The following DIAPH3 variants were observed in gnomAD, a reference collection of about 807,000 sequenced individuals.
The protein encoded by DIAPH3 is protein diaphanous homolog 3.
Under a neutral mutation model 144.3 loss-of-function variants are expected in DIAPH3, and 117 were observed. The ratio of observed to expected loss-of-function variants is 0.81; its 90% CI spans 0.70 to 0.95. DIAPH3 has a LOEUF of 0.95. Among genes scored for constraint, DIAPH3 ranks in the 40% least tolerant of loss-of-function variants. DIAPH3 has a pLI of 0.00. For synonymous variants in DIAPH3, 519 were observed against 488.9 expected, an observed-to-expected ratio of 1.06 and a Z score of -0.81; for missense variants, 1,421 against 1,412.7, an observed-to-expected ratio of 1.01 and a Z score of -0.09.
chr13:59,856,575 T>G lies in DIAPH3; in HGVS notation c.2737+4832A>C, dbSNP rs1384332464. Among the ~76,000 whole-genome samples, 3 of 152,202 alleles carry G rather than the reference T, an allele frequency of 2.0e-5. 1 individual carries two copies. The highest frequency in any genetic ancestry group is 4.1e-4 in the South Asian group (2 of 4,828). Reference sequence around the variant, plus strand: ...GTACATGTACATTCCTGAATGGCTGTGACTCTAAATTTCCTCTTCTTATAA... The same window carrying G: ...GTACATGTACATTCCTGAATGGCTGGGACTCTAAATTTCCTCTTCTTATAA... On this transcript the variant is annotated intron_variant, in intron 22 of 27. Coordinates refer to ENST00000400324, the MANE Select transcript of DIAPH3 (RefSeq NM_001042517.2).
chr13:59,786,204 A>C (rs573817727), intron 25 of DIAPH3, among the ~76,000 whole-genome samples: 1 of 152,338 alleles, frequency 6.6e-6, no homozygotes, highest in Admixed American at 6.5e-5. Flanking sequence ...AGAATGTGTA[A>C]ACCATAATTA....
intron 7 of DIAPH3, 90 bp from the exon 8 acceptor site, chr13:60,010,759 A>T: frequency 5.3e-6 from 7 of 1,328,684 alleles, no homozygotes; most frequent in Non-Finnish European, 7.3e-6. Flanking sequence ...AAAAAAATTT[A>T]TAGGACATTT....
chr13:59,924,706 T>C lies in DIAPH3; in HGVS notation c.2170+69A>G, dbSNP rs2047675445. On this transcript the variant is annotated intron_variant, in intron 18 of 27. Coordinates refer to ENST00000400324, the MANE Select transcript of DIAPH3 (RefSeq NM_001042517.2). ...ATAGCAAATAATGAATAATCGGTCT[T>C]AAAGAAAATGAAATCATTTAAAGAA... 3.9e-6 allele frequency: 6 copies of C among 1,551,204 alleles called. No individual in the cohort carries two copies. In the East Asian group the frequency reaches 1.4e-4, roughly 36 times the overall value.
chr13:59,835,877 T>A (rs1387690593), intron 23 of DIAPH3, among the ~76,000 whole-genome samples: 2 of 151,822 alleles, frequency 1.3e-5, no homozygotes, highest in Non-Finnish European at 3.0e-5. Context: ...AATATAGATA[T>A]AAGTAAATCT....
chr13:59,808,617 A>G (rs1053271799), intron 25 of DIAPH3, among the ~76,000 whole-genome samples: 1 of 152,166 alleles, frequency 6.6e-6, no homozygotes, highest in African/African-American at 2.4e-5. Context: ...GATTAATCAC[A>G]TTGAAAAGTC....
At chr13:59,805,145 C>T (rs2040128131) in intron 25 of DIAPH3, among the ~76,000 whole-genome samples, 1 of 152,050 alleles carries the variant, frequency 6.6e-6, no homozygotes, top group African/African-American at 2.4e-5. Flanking sequence ...AGGAGCTGCT[C>T]ATACAGTTTT....
chr13:59,988,617 A>G (rs1382052191), intron 12 of DIAPH3, among the ~76,000 whole-genome samples: 1 of 151,826 alleles, frequency 6.6e-6, no homozygotes, highest in African/African-American at 2.4e-5. Flanking sequence ...TCCATGAGCA[A>G]TATTGGTGAG....
At chr13:59,738,093 G>A (rs1593713295) in intron 27 of DIAPH3, among the ~76,000 whole-genome samples, 3 of 152,226 alleles carry the variant, frequency 2.0e-5, no homozygotes, top group Admixed American at 2.0e-4. Context: ...CGTGAACCTG[G>A]TGAAGGGAGG....
In DIAPH3 at chr13:59,890,040, T is replaced by C. The variant is rs76329150; in HGVS notation, c.2368-10572A>G. On this transcript the variant is annotated intron_variant, in intron 20 of 27. Transcript: ENST00000400324. ...TGAAGTGTTAAGATGATCTCTGTAA[T>C]TTGGCAGAGCCAGAAGTACAAAGCT... 7.8e-4 allele frequency among the ~76,000 whole-genome samples: 119 copies of C among 152,272 alleles called. 1 individual carries two copies. The East Asian group carries it at 0.02, about 26-fold the overall frequency.
At chr13:60,005,703 G>C (rs375927752) in intron 9 of DIAPH3, among the ~76,000 whole-genome samples, 3 of 152,086 alleles carry the variant, frequency 2.0e-5, no homozygotes, top group East Asian at 1.9e-4. Flanking sequence ...GGATGGTCTC[G>C]ATCTCCTGAC....
intron 27 of DIAPH3, among the ~76,000 whole-genome samples, chr13:59,705,997 G>A (rs1383199681): frequency 1.3e-5 from 2 of 151,544 alleles, no homozygotes; most frequent in African/African-American, 2.4e-5. Context: ...ACGTTTCTCA[G>A]TACCCATGGG....
chr13:59,808,926 T>G (rs1356428657), intron 25 of DIAPH3, among the ~76,000 whole-genome samples: 1 of 152,194 alleles, frequency 6.6e-6, no homozygotes, highest in Admixed American at 6.5e-5. Flanking sequence ...ATCTACTATT[T>G]TTTAGGTGTT....
At chr13:60,090,352 A>C (rs1271208949) in intron 4 of DIAPH3, among the ~76,000 whole-genome samples, 1 of 152,036 alleles carries the variant, frequency 6.6e-6, no homozygotes, top group African/African-American at 2.4e-5. Context: ...TCTTAGAAAT[A>C]ACCTAGTTTG....
chr13:60,057,061 C>T (rs1172779668), intron 4 of DIAPH3, among the ~76,000 whole-genome samples: 1 of 151,830 alleles, frequency 6.6e-6, no homozygotes, highest in Non-Finnish European at 1.5e-5. Context: ...CTAGCCAGAG[C>T]AATCAGGCAA....
At chr13:59,751,097 T>C (rs1435473138) in intron 27 of DIAPH3, among the ~76,000 whole-genome samples, 6 of 152,252 alleles carry the variant, frequency 3.9e-5, no homozygotes, top group Admixed American at 3.9e-4. Flanking sequence ...GCTCTACAAC[T>C]GTGCTAGTTA....
chr13:59,975,139 C>T (rs888567043), intron 14 of DIAPH3, among the ~76,000 whole-genome samples: 1 of 151,768 alleles, frequency 6.6e-6, no homozygotes, highest in Non-Finnish European at 1.5e-5. Flanking sequence ...TTCAACTTTG[C>T]CATTATTATG....
chr13:59,808,929 T>C (rs895526723), intron 25 of DIAPH3, among the ~76,000 whole-genome samples: 5 of 152,206 alleles, frequency 3.3e-5, no homozygotes, highest in Admixed American at 2.6e-4. Context: ...TACTATTTTT[T>C]AGGTGTTTTC....
chr13:59,831,144 A>G (rs572495203), intron 24 of DIAPH3, among the ~76,000 whole-genome samples: 1 of 151,964 alleles, frequency 6.6e-6, no homozygotes, highest in South Asian at 2.1e-4. Context: ...CTGACATACT[A>G]TATGTAAGGC....
chr13:59,991,136 T>C (rs776542672), intron 12 of DIAPH3, 22 bp downstream of exon 12: 34 of 1,445,196 alleles, frequency 2.4e-5, no homozygotes, highest in Non-Finnish European at 3.3e-5. Flanking sequence ...AAAGAAAACA[T>C]TAGAATACAA....
Sources: gnomAD v4.1 joint callset for allele counts (sites outside exome capture counted in the v4.1 genomes callset) on GRCh38, gnomAD v4.1.1 for gene constraint, MANE v1.5 for transcripts, NCBI Gene and HGNC (gene_info 2026-07-23, HGNC 2026-07-21) for gene names.